Variants in BCAS3 observed in about 807,000 individuals in gnomAD.
BCAS3 encodes the protein BCAS3 microtubule associated cell migration factor.
A neutral mutation model predicts 116.1 loss-of-function variants in BCAS3; 53 were observed. The observed-to-expected ratio is 0.46, with a 90% confidence interval of 0.37 to 0.57. The LOEUF (loss-of-function observed/expected upper bound fraction) is 0.57. BCAS3 is among the 20% of genes least tolerant of loss of function. The pLI is 0.00. For missense variants in BCAS3, 917 were observed against 1,165.4 expected (o/e 0.79, Z 3.10); for synonymous variants, 391 against 408.2 (o/e 0.96, Z 0.51).
chr17:60,708,011 C>T (rs1349881224), intron 4 of BCAS3, among the ~76,000 whole-genome samples: 1 of 152,022 alleles, frequency 6.6e-6, no homozygotes, highest in Non-Finnish European at 1.5e-5. Context: ...TGCTTATTCC[C>T]TTCTCTTCTG....
chr17:61,352,859 G>T lies in BCAS3; in HGVS notation c.2426-15468G>T, dbSNP rs1037256989. 1.3e-5 allele frequency among the ~76,000 whole-genome samples: 2 copies of T among 152,230 alleles called. No homozygotes were observed. The highest frequency in any genetic ancestry group is 4.8e-5 in the African/African-American group (2 of 41,452). On this transcript the variant is annotated intron_variant, in intron 22 of 23. Coordinates refer to ENST00000407086, the MANE Select transcript of BCAS3 (RefSeq NM_017679.5). The surrounding 1 kb of genome is among the most constrained non-coding windows in gnomAD (Gnocchi z 4.7). The stretch of plus-strand genomic sequence containing the variant: ...AGCTGTGCAGAGAAGGCCTGGTGCC[G>T]CCACACTCCTGCTCGGCTCCTAGGC...
chr17:61,070,852 A>G (rs989800948), intron 19 of BCAS3, among the ~76,000 whole-genome samples: 2 of 152,206 alleles, frequency 1.3e-5, no homozygotes, highest in South Asian at 4.1e-4. Flanking sequence ...ATTTCTTTGT[A>G]TGAAAGTTGT....
intron 22 of BCAS3, among the ~76,000 whole-genome samples, chr17:61,328,632 G>T (rs1422423942): frequency 6.6e-6 from 1 of 152,148 alleles, no homozygotes; most frequent in East Asian, 1.9e-4. Context: ...AGGTGTGGTG[G>T]TGTGCGCCTG....
Position 61,388,782 on chromosome 17 carries a change from G to A in BCAS3, c.2594-3195G>A. On this transcript the variant is annotated intron_variant, in intron 23 of 23. Coordinates refer to ENST00000407086, the MANE Select transcript of BCAS3 (RefSeq NM_017679.5). This position sits in a 1 kb window ranked among gnomAD's most constrained non-coding sequence, Gnocchi z 6.5. Reference sequence around the variant, plus strand: ...CGGGATGACTTGGAGGGGGGAATCTGAGCAGCCCTCCTCCCCTCCACTTCC... The same window carrying A: ...CGGGATGACTTGGAGGGGGGAATCTAAGCAGCCCTCCTCCCCTCCACTTCC... The A allele has an allele frequency of 7.4e-7, 1 of 1,353,018 alleles. No individual in the cohort carries two copies. Among genetic ancestry groups the A allele is most frequent in the East Asian group, 2.5e-5 (1 of 39,878 alleles). 83.8% of individuals were successfully genotyped at this position (1,353,018 alleles called of 1,614,324 possible).
intron 22 of BCAS3, among the ~76,000 whole-genome samples, chr17:61,160,013 G>GAT (rs2078075639): frequency 3.6e-5 from 2 of 56,174 alleles, no homozygotes; most frequent in Non-Finnish European, 8.8e-5. Flanking sequence ...TTTTTGTAGT[G>GAT]ACAGTCTCGC....
chr17:61,274,517 G>A (rs1464520682), intron 22 of BCAS3, among the ~76,000 whole-genome samples: 2 of 152,130 alleles, frequency 1.3e-5, no homozygotes, highest in South Asian at 2.1e-4. Flanking sequence ...TCAAACTCCT[G>A]ACCTCAGGTG....
In BCAS3 at chr17:61,315,978, T is replaced by G. The variant is rs2054699269; in HGVS notation, c.2426-52349T>G. 6.6e-6 allele frequency among the ~76,000 whole-genome samples: 1 copy of G among 152,154 alleles called. No homozygotes were observed. The highest frequency in any genetic ancestry group is 2.1e-4 in the South Asian group (1 of 4,828). On this transcript the variant is annotated intron_variant, in intron 22 of 23. Coordinates refer to ENST00000407086, the MANE Select transcript of BCAS3 (RefSeq NM_017679.5). This position sits in a 1 kb window ranked among gnomAD's most constrained non-coding sequence, Gnocchi z 5.3. ...AGGACCAGGATTTTCCCTTTTCATG[T>G]GTGTTTTCCAGTGTCTAGGATAGTG...
chr17:61,073,626 T>C lies in BCAS3; in HGVS notation c.2030-1294T>C, dbSNP rs1198777460. On this transcript the variant is annotated intron_variant, in intron 19 of 23. Coordinates refer to ENST00000407086, the MANE Select transcript of BCAS3 (RefSeq NM_017679.5). This position sits in a 1 kb window ranked among gnomAD's most constrained non-coding sequence, Gnocchi z 4.6. ...TGTAGGAATCTAACTCAAGGAAATTTTTGTATGTTGATGTGTATATATAAA... is the reference window on the plus strand; with the variant it reads ...TGTAGGAATCTAACTCAAGGAAATTCTTGTATGTTGATGTGTATATATAAA... Among the ~76,000 whole-genome samples the C allele has an allele frequency of 6.6e-6, 1 of 152,148 alleles. No individual in the cohort carries two copies. The highest frequency in any genetic ancestry group is 3.2e-3 in the Middle Eastern group (1 of 316).
intron 22 of BCAS3, among the ~76,000 whole-genome samples, chr17:61,197,978 A>G (rs908560916): frequency 3.3e-5 from 5 of 152,180 alleles, no homozygotes; most frequent in Admixed American, 3.3e-4. Context: ...CTGAAAGTCT[A>G]TCCCATCTAT....
At chr17:60,766,341 G>A (rs1016217314) in intron 6 of BCAS3, among the ~76,000 whole-genome samples, 25 of 152,134 alleles carry the variant, frequency 1.6e-4, no homozygotes, top group African/African-American at 6.0e-4. Flanking sequence ...ACCTTTGATG[G>A]TCTTTGATGA....
At chr17:61,340,626 G>A (rs1007080476) in intron 22 of BCAS3, among the ~76,000 whole-genome samples, 5 of 152,160 alleles carry the variant, frequency 3.3e-5, no homozygotes, top group East Asian at 1.9e-4. Flanking sequence ...GAGTCGCTGC[G>A]GGGGACGGGG....
intron 23 of BCAS3, among the ~76,000 whole-genome samples, chr17:61,372,698 C>T (rs1014834186): frequency 2.0e-5 from 3 of 152,202 alleles, no homozygotes; most frequent in African/African-American, 7.2e-5. Flanking sequence ...AGTCTCTTGC[C>T]CGCGAGGCTT....
intron 6 of BCAS3, among the ~76,000 whole-genome samples, chr17:60,772,983 G>T (rs2044882399): frequency 6.6e-6 from 1 of 152,186 alleles, no homozygotes; most frequent in African/African-American, 2.4e-5. Context: ...ATATCAAGGA[G>T]CATGCTTTTG....
intron 22 of BCAS3, among the ~76,000 whole-genome samples, chr17:61,102,915 G>C (rs902186718): frequency 6.6e-6 from 1 of 151,922 alleles, no homozygotes; most frequent in Admixed American, 6.6e-5. Context: ...TGCTCTTCAC[G>C]TGTATCATAA....
Position 61,022,747 on chromosome 17 carries a change from G to A in BCAS3, c.1637+6846G>A, listed in dbSNP as rs535988926. Among the ~76,000 whole-genome samples the A allele has an allele frequency of 5.3e-4, 80 of 152,124 alleles. 1 individual carries two copies. In the South Asian group the frequency reaches 0.013, roughly 26 times the overall value. ...TTCAAACTCCTGGGCTCAAGTGATC[G>A]TCCCACTTCAACCTCCTGAGTAGCT... On this transcript the variant is annotated intron_variant, in intron 16 of 23. Coordinates refer to ENST00000407086, the MANE Select transcript of BCAS3 (RefSeq NM_017679.5).
intron 14 of BCAS3, among the ~76,000 whole-genome samples, chr17:60,958,938 C>G (rs1044311600): frequency 1.3e-5 from 2 of 152,148 alleles, no homozygotes; most frequent in African/African-American, 4.8e-5. Flanking sequence ...AGATCATAGA[C>G]TTAAATGTAG....
chr17:60,807,331 G>A (rs2048366043), intron 6 of BCAS3, among the ~76,000 whole-genome samples: 1 of 152,082 alleles, frequency 6.6e-6, no homozygotes. Flanking sequence ...ATGACCTATA[G>A]TTTTATAATT....
chr17:60,931,662 G>A (rs931096789), intron 13 of BCAS3, among the ~76,000 whole-genome samples: 1 of 152,090 alleles, frequency 6.6e-6, no homozygotes. Flanking sequence ...TACATAAAAT[G>A]TCATGTTCCC....
chr17:61,270,473 G>A (rs538635984), intron 22 of BCAS3, among the ~76,000 whole-genome samples: 1 of 151,914 alleles, frequency 6.6e-6, no homozygotes, highest in East Asian at 2.0e-4. Context: ...AGTAGTAGGT[G>A]CTCTTTATAC....
Sources: gnomAD v4.1 joint callset for allele counts (sites outside exome capture counted in the v4.1 genomes callset) on GRCh38, gnomAD v4.1.1 for gene constraint, Gnocchi (gnomAD v3.1) non-coding constraint, MANE v1.5 for transcripts, NCBI Gene and HGNC (gene_info 2026-07-23, HGNC 2026-07-21) for gene names.